The following PDGFC variants were observed in gnomAD, a reference collection of about 807,000 sequenced individuals.
PDGFC encodes platelet derived growth factor C, also known as platelet-derived growth factor C.
PDGFC carries 12 observed loss-of-function variants against 35.5 expected under a neutral mutation model. That is an observed-to-expected ratio of 0.34 (90% CI 0.22 to 0.55). The LOEUF is 0.55. Among genes scored for constraint, PDGFC ranks in the 20% least tolerant of loss-of-function variants. PDGFC has a pLI of 0.91. For synonymous variants in PDGFC, 159 were observed against 148.8 expected (o/e 1.07, Z -0.50); for missense variants, 322 against 412.4 (o/e 0.78, Z 1.90).
At chr4:156,800,457 C>A (rs1222290194) in intron 3 of PDGFC, among the ~76,000 whole-genome samples, 1 of 152,098 alleles carries the variant, frequency 6.6e-6, no homozygotes, top group Non-Finnish European at 1.5e-5. Context: ...ACAATTATAT[C>A]ATCTGAATTA....
At chr4:156,800,038 C>T (rs377045396) in intron 3 of PDGFC, among the ~76,000 whole-genome samples, 1 of 152,096 alleles carries the variant, frequency 6.6e-6, no homozygotes, top group Admixed American at 6.6e-5. Context: ...TTGTTTCTTT[C>T]TCAATGATCT....
chr4:156,838,086 G>A (rs1226648659), intron 2 of PDGFC, among the ~76,000 whole-genome samples: 1 of 152,088 alleles, frequency 6.6e-6, no homozygotes, highest in Non-Finnish European at 1.5e-5. Flanking sequence ...AAGGGCATTG[G>A]CAAAATCTTC....
In PDGFC at chr4:156,772,855, A is replaced by C; in HGVS notation, c.534T>G (p.Pro178=). 1 of 1,612,950 alleles carries C rather than the reference A, an allele frequency of 6.2e-7. No homozygotes were observed. Among genetic ancestry groups the C allele is most frequent in the South Asian group, 1.1e-5 (1 of 91,046 alleles). ...TAAGCAGGTCCAGTGGCAAAGCTGA[A>C]GGGGGTAGCACTGAAGGACTCACAG... ...TEAVSPSVLP[P]SALPLDLLNN... The change falls in exon 4 of 6, where the codon CCT becomes CCG. Residue 178 remains proline (P), a synonymous_variant. Coordinates refer to ENST00000502773, the MANE Select transcript of PDGFC (RefSeq NM_016205.3).
intron 1 of PDGFC, among the ~76,000 whole-genome samples, chr4:156,933,797 T>C (rs1181056505): frequency 1.3e-5 from 2 of 152,126 alleles, no homozygotes; most frequent in Non-Finnish European, 2.9e-5. Context: ...GGTTTAAAAG[T>C]GTAGCACTTT....
chr4:156,953,425 G>A (rs1031389916), intron 1 of PDGFC, among the ~76,000 whole-genome samples: 33 of 151,884 alleles, frequency 2.2e-4, no homozygotes, highest in Non-Finnish European at 4.1e-4. Flanking sequence ...CATTAAGAAC[G>A]TATTCACATT....
intron 2 of PDGFC, among the ~76,000 whole-genome samples, chr4:156,813,439 G>A (rs1288491726): frequency 6.6e-6 from 1 of 152,116 alleles, no homozygotes; most frequent in Non-Finnish European, 1.5e-5. Context: ...TGGAATAGTA[G>A]AAGAAAGAGT....
At chr4:156,879,429 CTTAAG>C (rs1163864823) in intron 1 of PDGFC, among the ~76,000 whole-genome samples, 4 of 152,264 alleles carry the variant, frequency 2.6e-5, no homozygotes, top group East Asian at 1.9e-4. Flanking sequence ...TGTTGCTTCT[CTTAAG>C]TTATTTACTT....
intron 2 of PDGFC, among the ~76,000 whole-genome samples, chr4:156,828,731 C>G (rs1371059538): frequency 1.3e-5 from 2 of 152,038 alleles, no homozygotes; most frequent in Admixed American, 1.3e-4. Flanking sequence ...AGGTAAAATT[C>G]TACTTACATC....
Position 156,799,923 on chromosome 4 carries a change from C to A in PDGFC, c.495+10914G>T, listed in dbSNP as rs1199200235. Among the ~76,000 whole-genome samples the A allele has an allele frequency of 3.9e-5, 6 of 152,036 alleles. 1 individual carries two copies. In the East Asian group the frequency reaches 1.2e-3, roughly 29 times the overall value. Reference sequence around the variant, plus strand: ...AATTGGTAAATTCTAATTAGTTCACCATTTTTTCAAAGTTACCAAAGTATC... The same window carrying A: ...AATTGGTAAATTCTAATTAGTTCACAATTTTTTCAAAGTTACCAAAGTATC... On this transcript the variant is annotated intron_variant, in intron 3 of 5. Coordinates refer to ENST00000502773, the MANE Select transcript of PDGFC (RefSeq NM_016205.3).
intron 3 of PDGFC, among the ~76,000 whole-genome samples, chr4:156,783,796 A>T (rs1731043783): frequency 3.3e-5 from 5 of 152,184 alleles, no homozygotes; most frequent in Admixed American, 3.3e-4. Flanking sequence ...GAAGTGCTAA[A>T]AAGAGTATGC....
chr4:156,783,479 G>C (rs892353744), intron 3 of PDGFC, among the ~76,000 whole-genome samples: 9 of 152,212 alleles, frequency 5.9e-5, no homozygotes, highest in African/African-American at 1.9e-4. Flanking sequence ...TCCTGATGTT[G>C]CCCTTTGTTA....
At chr4:156,848,652 C>T (rs1458080672) in intron 2 of PDGFC, among the ~76,000 whole-genome samples, 5 of 151,890 alleles carry the variant, frequency 3.3e-5, no homozygotes, top group Admixed American at 3.3e-4. Context: ...GGTATTACTC[C>T]ATTGATACAT....
chr4:156,775,000 G>T (rs1730791257), intron 3 of PDGFC, among the ~76,000 whole-genome samples: 1 of 151,940 alleles, frequency 6.6e-6, no homozygotes, highest in Non-Finnish European at 1.5e-5. Context: ...AAAATATTAG[G>T]ACTAAGATAT....
chr4:156,945,252 C>G (rs1731910341), intron 1 of PDGFC, among the ~76,000 whole-genome samples: 1 of 148,460 alleles, frequency 6.7e-6, no homozygotes, highest in African/African-American at 2.5e-5. Context: ...TAAATGCTAA[C>G]TAAATAGTTG....
intron 1 of PDGFC, among the ~76,000 whole-genome samples, chr4:156,916,843 C>T (rs999762955): frequency 1.3e-5 from 2 of 152,176 alleles, no homozygotes; most frequent in African/African-American, 4.8e-5. Context: ...AAAACAGCTA[C>T]TATGTCCTAA....
At chr4:156,843,065 G>A (rs769109318) in intron 2 of PDGFC, among the ~76,000 whole-genome samples, 20 of 152,220 alleles carry the variant, frequency 1.3e-4, no homozygotes, top group Admixed American at 1.3e-4. Flanking sequence ...GGTATGGTTC[G>A]AATGTTTGTG....
intron 1 of PDGFC, among the ~76,000 whole-genome samples, chr4:156,950,226 T>C (rs1384790078): frequency 4.6e-5 from 7 of 151,906 alleles, no homozygotes; most frequent in Non-Finnish European, 7.4e-5. Context: ...GAAGATGACA[T>C]AAATGCCCCC....
chr4:156,911,123 T>C (rs751137386), intron 1 of PDGFC, among the ~76,000 whole-genome samples: 1 of 152,166 alleles, frequency 6.6e-6, no homozygotes, highest in African/African-American at 2.4e-5. Context: ...TGCCTAACCC[T>C]AGATATTTTC....
At chr4:156,858,035 C>T (rs1047431899) in intron 1 of PDGFC, among the ~76,000 whole-genome samples, 4 of 152,012 alleles carry the variant, frequency 2.6e-5, no homozygotes, top group African/African-American at 9.7e-5. Context: ...ATACTTACAG[C>T]CAAAATAATT....
Sources: gnomAD v4.1 joint callset for allele counts (sites outside exome capture counted in the v4.1 genomes callset) on GRCh38, gnomAD v4.1.1 for gene constraint, MANE v1.5 for transcripts, NCBI Gene and HGNC (gene_info 2026-07-23, HGNC 2026-07-21) for gene names.